The following IPO7 variants were observed in gnomAD, a reference collection of about 807,000 sequenced individuals.
IPO7 encodes the protein importin 7.
Under a neutral mutation model 136.4 loss-of-function variants are expected in IPO7, and 13 were observed. The ratio of observed to expected loss-of-function variants is 0.10; its 90% CI spans 0.06 to 0.15. The LOEUF (loss-of-function observed/expected upper bound fraction) is 0.15, where lower values mean the gene tolerates loss of function less well. Ranked by LOEUF, IPO7 falls within the 10% of genes least tolerant of loss-of-function variation. IPO7 has a pLI of 1.00. For missense variants in IPO7, 857 were observed against 1,240.6 expected (o/e 0.69, Z 4.65); for synonymous variants, 403 against 404.4 (o/e 1.00, Z 0.04).
At chr11:9,429,338 C>CA (rs770672227) in intron 14 of IPO7, 142 bp downstream of exon 14, 56 of 698,002 alleles carry the variant, frequency 8.0e-5, no homozygotes, top group African/African-American at 6.8e-4. Context: ...AACATCTCTA[C>CA]AAAAAAAATT....
chr11:9,406,144 G>A (rs551053413), intron 2 of IPO7, among the ~76,000 whole-genome samples: 2 of 139,846 alleles, frequency 1.4e-5, no homozygotes, highest in South Asian at 2.4e-4. Context: ...GTAGAGACGG[G>A]GTCTCACTGT....
chr11:9,384,815 C>G lies in IPO7; in HGVS notation c.52C>G (p.Leu18Val), dbSNP rs1254770034. 6.2e-7 allele frequency: 1 copy of G among 1,606,786 alleles called. No individual in the cohort carries two copies. Among genetic ancestry groups the G allele is most frequent in the Non-Finnish European group, 8.5e-7 (1 of 1,176,944 alleles). ...EALRGTMDPA[L>V]REAAERQLNE... ...CCTGCGGGGCACTATGGACCCAGCC[C>G]TGCGTGAGGCCGCGGAGCGCCAGCT... The change falls in exon 1 of 25, where the codon CTG (leucine) becomes GTG (valine). Residue 18 changes from leucine to valine, a missense_variant. Leu to Val is a conservative substitution (Grantham distance 32). This residue lies in a region of IPO7 where 49 missense variants were observed against 59.9 expected (regional missense o/e 0.82). Coordinates refer to ENST00000379719, the MANE Select transcript of IPO7 (RefSeq NM_006391.3).
At chr11:9,441,517 T>C (rs1855459549) in intron 23 of IPO7, among the ~76,000 whole-genome samples, 2 of 152,220 alleles carry the variant, frequency 1.3e-5, no homozygotes, top group South Asian at 4.1e-4. Flanking sequence ...AACCAAGGAT[T>C]TGAGTCTTCT....
chr11:9,429,989 C>T (rs1368002998), intron 15 of IPO7, among the ~76,000 whole-genome samples, 155 bp downstream of exon 15: 2 of 152,208 alleles, frequency 1.3e-5, no homozygotes, highest in South Asian at 2.1e-4. Context: ...CACAGATGGT[C>T]CGGGGGAGAT....
chr11:9,397,698 A>G (rs1194924717), intron 1 of IPO7, among the ~76,000 whole-genome samples: 1 of 152,104 alleles, frequency 6.6e-6, no homozygotes, highest in Non-Finnish European at 1.5e-5. Context: ...CGATTTAAGG[A>G]ACTAAAGGGT....
At chr11:9,445,049 A>G in intron 24 of IPO7, 48 bp from the exon 25 acceptor site, 1 of 1,147,466 alleles carries the variant, frequency 8.7e-7, no homozygotes, top group Non-Finnish European at 1.3e-6. Context: ...TTTCTCACCA[A>G]GTTAGTAGAT....
At chr11:9,419,806 G>C (rs533938677) in intron 6 of IPO7, among the ~76,000 whole-genome samples, 2 of 151,934 alleles carry the variant, frequency 1.3e-5, no homozygotes, top group Admixed American at 6.6e-5. Flanking sequence ...TTCTGAAATG[G>C]AGTTTCTCAT....
chr11:9,430,171 A>G (rs1414824233), intron 15 of IPO7, among the ~76,000 whole-genome samples: 1 of 152,134 alleles, frequency 6.6e-6, no homozygotes, highest in Non-Finnish European at 1.5e-5. Context: ...CTAACAGGCC[A>G]TGGACCGGTA....
At chr11:9,410,909 G>A (rs1195349530) in intron 4 of IPO7, among the ~76,000 whole-genome samples, 1 of 152,194 alleles carries the variant, frequency 6.6e-6, no homozygotes, top group Admixed American at 6.5e-5. Context: ...TCTGGGACTT[G>A]CAGTTAGCCT....
At chr11:9,387,532 T>C (rs1273317238) in intron 1 of IPO7, among the ~76,000 whole-genome samples, 1 of 152,232 alleles carries the variant, frequency 6.6e-6, no homozygotes, top group African/African-American at 2.4e-5. Flanking sequence ...TGGCTTACTT[T>C]TAAAATTAAT....
Position 9,423,817 on chromosome 11 carries a change from C to T in IPO7, c.1082C>T (p.Thr361Ile), listed in dbSNP as rs1590443628. 1.2e-6 allele frequency: 2 copies of T among 1,609,698 alleles called. No homozygotes were observed. The highest frequency in any genetic ancestry group is 1.1e-5 in the South Asian group (1 of 90,768). The part of the protein sequence containing the change: ...QDVIFPLMCY[T>I]DADEELWQED... ...GTTATTTTTCCATTGATGTGCTATA[C>T]AGATGCTGATGAGGAACTTTGGCAA... Residue 361 changes from threonine to isoleucine, a missense_variant, in exon 10 of 25, where the codon ACA (threonine) becomes ATA (isoleucine). Thr to Ile is a moderately conservative substitution (Grantham distance 89, BLOSUM62 -1). Around this residue, in one of 11 missense-constraint regions of IPO7, gnomAD observed 127 missense variants for 222.4 expected, o/e 0.57. Transcript: ENST00000379719.
intron 12 of IPO7, among the ~76,000 whole-genome samples, chr11:9,428,050 G>T (rs1855237466): frequency 1.3e-5 from 2 of 151,872 alleles, no homozygotes; most frequent in Admixed American, 6.6e-5. Flanking sequence ...AATCTGGGAG[G>T]TGGACATTGC....
intron 1 of IPO7, among the ~76,000 whole-genome samples, chr11:9,385,807 G>A (rs966741172): frequency 6.6e-6 from 1 of 152,064 alleles, no homozygotes; most frequent in Non-Finnish European, 1.5e-5. Flanking sequence ...ACTATCTCCA[G>A]TGTCATTCTT....
intron 1 of IPO7, among the ~76,000 whole-genome samples, chr11:9,400,357 T>C (rs778842394): frequency 6.6e-6 from 1 of 152,178 alleles, no homozygotes; most frequent in African/African-American, 2.4e-5. Flanking sequence ...TAGAGCCCGG[T>C]TGTCATATTC....
In IPO7 at chr11:9,409,947, A is replaced by C; in HGVS notation, c.340A>C (p.Ile114Leu). The C allele has an allele frequency of 6.4e-7, 1 of 1,568,700 alleles. No homozygotes were observed. Among genetic ancestry groups the C allele is most frequent in the South Asian group, 1.2e-5 (1 of 83,324 alleles). ...TTCCAGGGTACAGCTTACTACATGC[A>C]TTCATCACATCATCAAACATGATTA... ...ELIRVQLTTC[I>L]HHIIKHDYPS... Residue 114 changes from isoleucine to leucine, a missense_variant, in exon 4 of 25, where the codon ATT becomes CTT. Physicochemically the swap from Ile to Leu is conservative, Grantham distance 5. Coordinates refer to ENST00000379719, the MANE Select transcript of IPO7 (RefSeq NM_006391.3).
At chr11:9,423,938 A>G (rs1233655105) in intron 10 of IPO7, 62 bp downstream of exon 10, 11 of 948,014 alleles carry the variant, frequency 1.2e-5, no homozygotes, top group African/African-American at 3.2e-5. Context: ...CAGTGATTGC[A>G]TGTAGCCAAC....
intron 16 of IPO7, among the ~76,000 whole-genome samples, chr11:9,431,892 T>A (rs987408695): frequency 6.6e-6 from 1 of 152,138 alleles, no homozygotes; most frequent in South Asian, 2.1e-4. Context: ...GGAGAATCAC[T>A]TGAACCCGAG....
chr11:9,396,910 T>C (rs1023109478), intron 1 of IPO7, among the ~76,000 whole-genome samples: 11 of 152,156 alleles, frequency 7.2e-5, no homozygotes, highest in African/African-American at 2.7e-4. Context: ...CAGTTTTGTT[T>C]TTTTAAGTTA....
intron 3 of IPO7, 76 bp downstream of exon 3, chr11:9,408,715 T>TG (rs1274588299): frequency 1.4e-5 from 14 of 1,018,174 alleles, no homozygotes; most frequent in Non-Finnish European, 1.6e-5. Flanking sequence ...TTTTTTTTTT[T>TG]TTTTTTTTTT....
Sources: allele counts gnomAD v4.1 joint callset (sites outside exome capture counted in the v4.1 genomes callset), GRCh38; gene constraint gnomAD v4.1.1; regional missense constraint gnomAD v4.1.1; transcripts MANE v1.5; gene names NCBI Gene and HGNC (gene_info 2026-07-23, HGNC 2026-07-21).